The following ADAM7 variants were observed in gnomAD, a reference collection of about 807,000 sequenced individuals.
ADAM7 encodes the protein ADAM metallopeptidase domain 7.
Under a neutral mutation model 102.9 loss-of-function variants are expected in ADAM7, and 97 were observed. The ratio of observed to expected loss-of-function variants is 0.94; its 90% confidence interval spans 0.80 to 1.12. The LOEUF is 1.12. Ranked by LOEUF, ADAM7 falls within the 50% of genes most tolerant of loss-of-function variation. ADAM7 has a pLI of 0.00. For synonymous variants in ADAM7, 334 were observed against 304.4 expected (o/e 1.10, Z -1.01); for missense variants, 991 against 908.7 (o/e 1.09, Z -1.16).
intron 3 of ADAM7, among the ~76,000 whole-genome samples, chr8:24,452,661 A>G (rs1393552955): frequency 1.3e-5 from 2 of 149,602 alleles, no homozygotes; most frequent in Non-Finnish European, 3.0e-5. Flanking sequence ...TTTAAAGTTA[A>G]TATTGTTATG....
intron 3 of ADAM7, among the ~76,000 whole-genome samples, chr8:24,456,836 C>T (rs1293638278): frequency 2.0e-5 from 3 of 152,086 alleles, no homozygotes; most frequent in East Asian, 1.9e-4. Context: ...TACTGCAGTT[C>T]GTTCATCCAC....
chr8:24,499,816 ACACAC>A (rs1820688913), intron 17 of ADAM7, among the ~76,000 whole-genome samples: 1 of 150,316 alleles, frequency 6.7e-6, no homozygotes, highest in African/African-American at 2.5e-5. Flanking sequence ...ACACACACAC[ACACAC>A]ACACACATCA....
rs1453169669 is a variant in ADAM7, at chr8:24,492,912, C to G, written c.1656-131C>G. The G allele has an allele frequency of 2.9e-5, 26 of 888,442 alleles. No individual in the cohort carries two copies. The East Asian group carries it at 7.0e-4, about 24-fold the overall frequency. 55.0% of individuals were successfully genotyped at this position (888,442 alleles called of 1,614,324 possible). A position where few individuals can be genotyped will look rare whatever the true frequency, so the allele number is the denominator to read the frequency against. On this transcript the variant is annotated intron_variant, in intron 15 of 21. Coordinates refer to ENST00000175238, the MANE Select transcript of ADAM7 (RefSeq NM_003817.4). ...AGACTTTGCTCAGTGGTTTTCTCTG[C>G]CCATTACAGCCTCCTTAACTTGGCA...
At chr8:24,460,269 G>T (rs894733791) in intron 3 of ADAM7, among the ~76,000 whole-genome samples, 1 of 151,698 alleles carries the variant, frequency 6.6e-6, no homozygotes, top group African/African-American at 2.4e-5. Context: ...AAATTAGTTT[G>T]GTCCTGATTT....
chr8:24,503,850 A>G (rs116538370), intron 20 of ADAM7, among the ~76,000 whole-genome samples: 3,213 of 151,946 alleles, frequency 0.021, 117 homozygotes, highest in African/African-American at 0.074. Flanking sequence ...CCCAGTGAGG[A>G]AAACATCACA....
intron 17 of ADAM7, 55 bp from the exon 18 acceptor site, chr8:24,500,123 G>A: frequency 6.0e-6 from 9 of 1,499,122 alleles, no homozygotes; most frequent in South Asian, 1.2e-5. Flanking sequence ...TAAGTGAGTT[G>A]CAGAACACAA....
At chr8:24,505,255 A>C (rs953077895) in intron 20 of ADAM7, among the ~76,000 whole-genome samples, 4 of 152,152 alleles carry the variant, frequency 2.6e-5, no homozygotes, top group Non-Finnish European at 5.9e-5. Flanking sequence ...CTCAATGATG[A>C]ATAACCATAG....
intron 2 of ADAM7, among the ~76,000 whole-genome samples, chr8:24,446,170 A>G (rs1246872081): frequency 6.6e-6 from 1 of 152,224 alleles, no homozygotes; most frequent in African/African-American, 2.4e-5. Flanking sequence ...TGAATCTTAA[A>G]TTATAGAGAA....
chr8:24,507,658 G>T, intron 21 of ADAM7, 123 bp downstream of exon 21: 1 of 748,968 alleles, frequency 1.3e-6, no homozygotes, highest in Admixed American at 2.8e-5. Flanking sequence ...AACAGATTAG[G>T]AAGGTTAGAA....
intron 6 of ADAM7, 99 bp from the exon 7 acceptor site, chr8:24,468,668 A>G: frequency 9.5e-7 from 1 of 1,047,522 alleles, no homozygotes; most frequent in Non-Finnish European, 1.4e-6. Context: ...CAATATCAAC[A>G]TTTCTTACCT....
chr8:24,467,960 G>A (rs892157306), intron 6 of ADAM7, among the ~76,000 whole-genome samples: 1 of 152,142 alleles, frequency 6.6e-6, no homozygotes, highest in Non-Finnish European at 1.5e-5. Flanking sequence ...AGCTACTTGG[G>A]AGGCTGAGGC....
At position 24,500,814 on chromosome 8, in the gene ADAM7, T is replaced by C. The variant is rs759801023; in HGVS notation, c.2027T>C (p.Leu676Pro). 6.8e-6 allele frequency: 11 copies of C among 1,613,404 alleles called. No individual in the cohort carries two copies. Among genetic ancestry groups the C allele is most frequent in the Non-Finnish European group, 8.5e-6 (10 of 1,179,518 alleles). ...GATATCACCATCTTGGTTGTTGTGC[T>C]TGTCCTGGTTATTGTCGGTATCGGA... ...VTNITILVVVLVLVIVGIGVL... is the reference protein window; with the variant it reads ...VTNITILVVVPVLVIVGIGVL... Residue 676 changes from leucine (L) to proline (P), a missense_variant, in exon 19 of 22, where the codon CTT becomes CCT. By Grantham distance (98) the Leu-to-Pro change is moderately conservative. Coordinates refer to ENST00000175238, the MANE Select transcript of ADAM7 (RefSeq NM_003817.4).
At chr8:24,478,813 T>G (rs1819854599) in intron 8 of ADAM7, among the ~76,000 whole-genome samples, 1 of 152,172 alleles carries the variant, frequency 6.6e-6, no homozygotes, top group Admixed American at 6.6e-5. Context: ...TTTTATTGGA[T>G]AGTAGACAGT....
Position 24,492,557 on chromosome 8 carries a change from T to C in ADAM7, c.1615T>C (p.Cys539Arg). The stretch of plus-strand genomic sequence containing the variant: ...TACAAAAGGAAATAAATTTGGATAC[T>C]GCAAAAACAAGGAAAACAGATTTCT... ...MNTKGNKFGY[C>R]KNKENRFLPC... is the part of the protein sequence containing the mutation. Residue 539 changes from cysteine to arginine, a missense_variant, in exon 15 of 22, where the codon TGC becomes CGC. Coordinates refer to ENST00000175238, the MANE Select transcript of ADAM7 (RefSeq NM_003817.4). 6.2e-7 allele frequency: 1 copy of C among 1,613,182 alleles called. No homozygotes were observed. Among genetic ancestry groups the C allele is most frequent in the African/African-American group, 1.3e-5 (1 of 74,990 alleles).
chr8:24,447,743 C>T (rs563902602), intron 3 of ADAM7, among the ~76,000 whole-genome samples: 2 of 152,206 alleles, frequency 1.3e-5, no homozygotes, highest in Admixed American at 1.3e-4. Context: ...CATTGGCTTT[C>T]TTCAAAAGAA....
intron 9 of ADAM7, among the ~76,000 whole-genome samples, chr8:24,484,031 C>T (rs1188848688): frequency 2.6e-5 from 4 of 152,028 alleles, no homozygotes; most frequent in African/African-American, 9.7e-5. Flanking sequence ...GTAGAAGTGG[C>T]AAGACAGTAT....
rs372611510 is a variant in ADAM7 at position 24,476,548 on chromosome 8, G to A, written c.705+44G>A. On this transcript the variant is annotated intron_variant, in intron 8 of 21. Transcript: ENST00000175238. ...TTTGAATCAAGCCAATAATACGAAT[G>A]CAAAGAACCTTTCAGCGCAGTTCTC... 3 of 1,480,176 alleles carry A rather than the reference G, an allele frequency of 2.0e-6. No homozygotes were observed. In the African/African-American group the frequency reaches 4.2e-5, roughly 21 times the overall value. 91.7% of individuals were successfully genotyped at this position (1,480,176 alleles called of 1,614,324 possible). A position where few individuals can be genotyped will look rare whatever the true frequency, so the allele number is the denominator to read the frequency against.
At chr8:24,460,141 A>ATAT (rs1282384074) in intron 3 of ADAM7, among the ~76,000 whole-genome samples, 1 of 152,052 alleles carries the variant, frequency 6.6e-6, no homozygotes, top group Non-Finnish European at 1.5e-5. Context: ...TTGTTATCTG[A>ATAT]TATTAACACA....
chr8:24,501,669 G>A, intron 20 of ADAM7, 93 bp downstream of exon 20: 1 of 882,234 alleles, frequency 1.1e-6, no homozygotes, highest in Admixed American at 3.0e-5. Flanking sequence ...TAAGCTAAGT[G>A]ACATGGGAAG....
Sources: gnomAD v4.1 joint callset for allele counts (sites outside exome capture counted in the v4.1 genomes callset) on GRCh38, gnomAD v4.1.1 for gene constraint, MANE v1.5 for transcripts, NCBI Gene and HGNC (gene_info 2026-07-23, HGNC 2026-07-21) for gene names.